The following IVD variants were observed in gnomAD, a reference collection of about 807,000 sequenced individuals.
The protein encoded by IVD is isovaleryl-CoA dehydrogenase, mitochondrial.
IVD carries 31 observed loss-of-function variants against 51.3 expected under a neutral mutation model. The ratio of observed to expected loss-of-function variants is 0.60; its 90% CI spans 0.45 to 0.81. The LOEUF (loss-of-function observed/expected upper bound fraction) is 0.81, where lower values mean the gene tolerates loss of function less well. IVD is among the 40% of genes least tolerant of loss of function. The pLI, the probability that IVD is intolerant of heterozygous loss-of-function variation, is 0.00. For synonymous variants in IVD, 205 were observed against 219.4 expected (o/e 0.93, Z 0.58); for missense variants, 475 against 552.0 (o/e 0.86, Z 1.40).
Position 40,419,519 on chromosome 15 carries a change from A to G in IVD, c.*1256A>G, listed in dbSNP as rs1892080990. ...GAGTGAGACTCTGTCTCAAAAAAGG[A>G]AAGAAAAATAGGCTGGGCACAGTGA... On this transcript the variant is annotated 3_prime_UTR_variant, in exon 12 of 12. Transcript: ENST00000487418. 4.7e-6 allele frequency: 1 copy of G among 211,756 alleles called. No individual in the cohort carries two copies. The highest frequency in any genetic ancestry group is 9.7e-6 in the Non-Finnish European group (1 of 102,678). The allele number at this position is 211,756 out of a possible 1,614,324, so 13.1% of individuals were successfully genotyped here. A position where few individuals can be genotyped will look rare whatever the true frequency, so the allele number is the denominator to read the frequency against.
chr15:40,410,026 C>G lies in IVD; in HGVS notation c.287-602C>G, dbSNP rs1266217524. Among the ~76,000 whole-genome samples the G allele has an allele frequency of 3.3e-5, 5 of 152,056 alleles. No homozygotes were observed. In the East Asian group the frequency reaches 9.7e-4, roughly 29 times the overall value. On this transcript the variant is annotated intron_variant, in intron 3 of 11. Transcript: ENST00000487418. ...TAATTTTTTGTATTTTTAGTAGAGA[C>G]GGGGTTTCACCGTGTTAGCCAGGAT...
chr15:40,431,267 A>G (rs1892957929), intron 7 of IVD, among the ~76,000 whole-genome samples: 2 of 151,738 alleles, frequency 1.3e-5, no homozygotes, highest in African/African-American at 2.4e-5. Context: ...TACAGGTGTG[A>G]GCCACCGTGC....
Position 40,416,193 on chromosome 15 carries a change from G to C in IVD, c.1065+11G>C, listed in dbSNP as rs369093691. 1.9e-6 allele frequency: 3 copies of C among 1,613,574 alleles called. No individual in the cohort carries two copies. The highest frequency in any genetic ancestry group is 2.5e-6 in the Non-Finnish European group (3 of 1,179,550). On this transcript the variant is annotated intron_variant, in intron 10 of 11. Coordinates refer to ENST00000487418, the MANE Select transcript of IVD (RefSeq NM_002225.5). The stretch of plus-strand genomic sequence containing the variant: ...CATTGCACTGCTAAGGTGAGGGCCA[G>C]CCTCAGTCGGGGAGAGGCGGGGGCA...
At chr15:40,406,368 G>C in intron 1 of IVD, 1 of 1,311,738 alleles carries the variant, frequency 7.6e-7, no homozygotes, top group East Asian at 5.0e-5. Flanking sequence ...TCTCACACCT[G>C]GGTGGTCATC....
At chr15:40,411,083 A>G (rs1891024558) in intron 4 of IVD, among the ~76,000 whole-genome samples, 177 bp from the exon 5 acceptor site, 1 of 152,240 alleles carries the variant, frequency 6.6e-6, no homozygotes, top group African/African-American at 2.4e-5. Context: ...GAAAAAGGAG[A>G]GGCATTTTCA....
Position 40,415,475 on chromosome 15 carries a change from A to G in IVD, c.953A>G (p.His318Arg). The G allele has an allele frequency of 6.2e-7, 1 of 1,613,906 alleles. No individual in the cohort carries two copies. The highest frequency in any genetic ancestry group is 8.5e-7 in the Non-Finnish European group (1 of 1,179,838). ...GAAGCCTTTGGCCAGAAGATCGGCCACTTCCAGGTGAGCCGAGTGCTTTTG... is the reference window on the plus strand; with the variant it reads ...GAAGCCTTTGGCCAGAAGATCGGCCGCTTCCAGGTGAGCCGAGTGCTTTTG... The part of the protein sequence containing the change: ...VREAFGQKIG[H>R]FQLMQGKMAD... Residue 318 changes from histidine (H) to arginine (R), a missense_variant, in exon 9 of 12, where the codon CAC becomes CGC. Physicochemically the swap from His to Arg is conservative, Grantham distance 29. Transcript: ENST00000487418.
At chr15:40,425,572 C>T (rs965032002), downstream of IVD, among the ~76,000 whole-genome samples, 1 of 151,868 alleles carries the variant, frequency 6.6e-6, no homozygotes, top group African/African-American at 2.4e-5. Flanking sequence ...AACAGGGTCT[C>T]ACTCTGTTCA....
At chr15:40,423,113 AT>A (rs973693632), downstream of IVD, among the ~76,000 whole-genome samples, 1 of 147,418 alleles carries the variant, frequency 6.8e-6, no homozygotes, top group East Asian at 2.1e-4. Flanking sequence ...TAATTTTTGT[AT>A]TTTTTGTAGA....
chr15:40,430,555 GA>G (rs1892914368), intron 7 of IVD, among the ~76,000 whole-genome samples: 1 of 152,246 alleles, frequency 6.6e-6, no homozygotes, highest in African/African-American at 2.4e-5. Flanking sequence ...GACTGGGGCA[GA>G]GTGGATGCGG....
Position 40,410,663 on chromosome 15 carries a change from C to T in IVD, c.322C>T (p.His108Tyr). 6.2e-7 allele frequency: 1 copy of T among 1,614,248 alleles called. No homozygotes were observed. The highest frequency in any genetic ancestry group is 8.5e-7 in the Non-Finnish European group (1 of 1,180,048). ...CGGCTCCGGCCTGGGCTACCTGGAG[C>T]ATGTGCTGGTGATGGAGGAGATATC... Reference protein sequence around the residue: ...YGGSGLGYLEHVLVMEEISRA... With the variant: ...YGGSGLGYLEYVLVMEEISRA... Residue 108 changes from histidine to tyrosine, a missense_variant, in exon 4 of 12, where the codon CAT (histidine) becomes TAT (tyrosine). Physicochemically the swap from His to Tyr is moderately conservative, Grantham distance 83. Coordinates refer to ENST00000487418, the MANE Select transcript of IVD (RefSeq NM_002225.5).
In IVD at chr15:40,411,161, T is replaced by G. The variant is rs558254025; in HGVS notation, c.457-99T>G. 3 of 1,182,982 alleles carry G rather than the reference T, an allele frequency of 2.5e-6. No homozygotes were observed. The South Asian group carries it at 3.7e-5, about 14-fold the overall frequency. 73.3% of individuals were successfully genotyped at this position (1,182,982 alleles called of 1,614,324 possible). A position where few individuals can be genotyped will look rare whatever the true frequency, so the allele number is the denominator to read the frequency against. ...CCGACACCCTGGTCTGAGAGCGAAGTTTGAAGGGGTTTAATGTGGACAGGA... is the reference window on the plus strand; with the variant it reads ...CCGACACCCTGGTCTGAGAGCGAAGGTTGAAGGGGTTTAATGTGGACAGGA... On this transcript the variant is annotated intron_variant, in intron 4 of 11. Transcript: ENST00000487418.
chr15:40,424,469 C>A, downstream of IVD: 1 of 276,368 alleles, frequency 3.6e-6, no homozygotes, highest in Non-Finnish European at 7.0e-6. Context: ...CTCTCTTCTC[C>A]AACCTTCCCT....
intron 7 of IVD, chr15:40,433,732 A>G (rs1465209804): frequency 2.5e-6 from 1 of 392,906 alleles, no homozygotes; most frequent in Admixed American, 3.0e-5. Flanking sequence ...ATTGTTTACT[A>G]TTCAGTTCAC....
At chr15:40,424,068 C>A, downstream of IVD, 2 of 1,038,288 alleles carry the variant, frequency 1.9e-6, no homozygotes, top group Non-Finnish European at 1.3e-6. Flanking sequence ...CTCTCAGAGG[C>A]TAGCCTGGTA....
chr15:40,420,789 A>G lies in IVD; in HGVS notation c.*2526A>G, dbSNP rs1892229835. ...GAATCCAGATCTGCTCATGGCAAAA[A>G]TGGGGGTGTTCTGAGAATTCCAGCT... On this transcript the variant is annotated 3_prime_UTR_variant, in exon 12 of 12. Transcript: ENST00000487418. 1 of 985,542 alleles carries G rather than the reference A, an allele frequency of 1.0e-6. No individual in the cohort carries two copies. Among genetic ancestry groups the G allele is most frequent in the Non-Finnish European group, 1.2e-6 (1 of 830,098 alleles). The allele number at this position is 985,542 out of a possible 1,614,324, so 61.0% of individuals were successfully genotyped here. A position where few individuals can be genotyped will look rare whatever the true frequency, so the allele number is the denominator to read the frequency against.
intron 8 of IVD, among the ~76,000 whole-genome samples, chr15:40,434,220 A>G (rs1207978592): frequency 6.6e-6 from 1 of 152,202 alleles, no homozygotes; most frequent in African/African-American, 2.4e-5. Context: ...TTTTTTCAAG[A>G]GAAACTGTAA....
chr15:40,428,739 G>C (rs1178344015), downstream of IVD, among the ~76,000 whole-genome samples: 3 of 152,230 alleles, frequency 2.0e-5, no homozygotes, highest in Admixed American at 2.0e-4. Flanking sequence ...GAGGCTGTGG[G>C]GGGTGGGGCA....
chr15:40,435,705 C>G (rs1263336980), downstream of IVD: 1 of 1,019,510 alleles, frequency 9.8e-7, no homozygotes, highest in Non-Finnish European at 1.2e-6. Context: ...CTGCCTCACC[C>G]CTATACCACA....
chr15:40,408,736 C>T (rs1595761385), intron 3 of IVD, among the ~76,000 whole-genome samples: 1 of 151,990 alleles, frequency 6.6e-6, no homozygotes, highest in Admixed American at 6.6e-5. Flanking sequence ...GGATCACCTG[C>T]GGTCGTGAGT....
Sources: allele counts gnomAD v4.1 joint callset (sites outside exome capture counted in the v4.1 genomes callset), GRCh38; gene constraint gnomAD v4.1.1; transcripts MANE v1.5; gene names NCBI Gene and HGNC (gene_info 2026-07-23, HGNC 2026-07-21).